The following SEL1L variants were observed in gnomAD, a reference collection of about 807,000 sequenced individuals.
SEL1L encodes protein sel-1 homolog 1.
SEL1L carries 52 observed loss-of-function variants against 109.8 expected under a neutral mutation model. That is an observed-to-expected ratio of 0.47 (90% CI 0.38 to 0.60). The LOEUF is 0.60. Ranked by LOEUF, SEL1L falls within the 20% of genes least tolerant of loss-of-function variation. SEL1L has a pLI of 0.00. For synonymous variants in SEL1L, 373 were observed against 339.6 expected, an observed-to-expected ratio of 1.10 and a Z score of -1.08; for missense variants, 749 against 962.2, an observed-to-expected ratio of 0.78 and a Z score of 2.93.
At position 81,512,982 on chromosome 14, in the gene SEL1L, C is replaced by T. The variant is rs528734215; in HGVS notation, c.341-6741G>A. Reference sequence around the variant, plus strand: ...GAAGGGTTCCCACTGAGAGGTGAAGCCAGCTGGGCTTCTGGGTCAGGTGGG... The same window carrying T: ...GAAGGGTTCCCACTGAGAGGTGAAGTCAGCTGGGCTTCTGGGTCAGGTGGG... On this transcript the variant is annotated intron_variant, in intron 3 of 20. Transcript: ENST00000336735. 6.6e-5 allele frequency among the ~76,000 whole-genome samples: 10 copies of T among 152,312 alleles called. No individual in the cohort carries two copies. The South Asian group carries it at 2.1e-3, about 32-fold the overall frequency.
chr14:81,526,986 A>T, intron 2 of SEL1L, 22 bp from the exon 3 acceptor site: 2 of 1,560,316 alleles, frequency 1.3e-6, no homozygotes, highest in Non-Finnish European at 1.8e-6. Context: ...AAGTATTTTT[A>T]GTTATCAACA....
chr14:81,518,534 C>T (rs1489822517), intron 3 of SEL1L, among the ~76,000 whole-genome samples: 1 of 151,350 alleles, frequency 6.6e-6, no homozygotes, highest in Non-Finnish European at 1.5e-5. Flanking sequence ...GTGGCAGGTG[C>T]CTGTAATCCC....
intron 19 of SEL1L, among the ~76,000 whole-genome samples, chr14:81,482,442 G>GGTTAAGTC (rs934210355): frequency 6.6e-6 from 1 of 152,114 alleles, no homozygotes; most frequent in African/African-American, 2.4e-5. Flanking sequence ...ACTTTTGGAG[G>GGTTAAGTC]CCAAGGCGCT....
intron 3 of SEL1L, among the ~76,000 whole-genome samples, chr14:81,506,678 C>G (rs937492754): frequency 2.6e-5 from 4 of 152,170 alleles, no homozygotes; most frequent in Admixed American, 2.0e-4. Flanking sequence ...AAGCTAACCA[C>G]TCACACACTC....
intron 10 of SEL1L, among the ~76,000 whole-genome samples, chr14:81,495,568 G>T (rs760469678): frequency 1.3e-5 from 2 of 152,244 alleles, no homozygotes; most frequent in Non-Finnish European, 2.9e-5. Flanking sequence ...GCCTGGAGAG[G>T]TCGAGGCTGC....
chr14:81,522,370 G>T (rs1884944970), intron 3 of SEL1L, among the ~76,000 whole-genome samples: 1 of 152,184 alleles, frequency 6.6e-6, no homozygotes, highest in Non-Finnish European at 1.5e-5. Flanking sequence ...CCATTCATGG[G>T]AAGTGCCCTA....
chr14:81,471,905 A>C lies in SEL1L; in HGVS notation c.*5067T>G. On this transcript the variant is annotated 3_prime_UTR_variant, in exon 21 of 21. Transcript: ENST00000336735. ...CCTCCTTTTGAACTGATTAACGCTCACTTTTTCTTATTCGTAAAAAAATAC... is the reference window on the plus strand; with the variant it reads ...CCTCCTTTTGAACTGATTAACGCTCCCTTTTTCTTATTCGTAAAAAAATAC... 1 of 152,252 alleles carries C rather than the reference A, an allele frequency of 6.6e-6. No homozygotes were observed. Among genetic ancestry groups the C allele is most frequent in the South Asian group, 2.1e-4 (1 of 4,826 alleles). 9.4% of individuals were successfully genotyped at this position (152,252 alleles called of 1,614,324 possible).
chr14:81,518,659 T>TAAAAA (rs35790401), intron 3 of SEL1L, among the ~76,000 whole-genome samples: 1 of 84,486 alleles, frequency 1.2e-5, no homozygotes, highest in African/African-American at 4.4e-5. Context: ...AGACTTCGTC[T>TAAAAA]AAAAAAAAAA....
At chr14:81,514,474 T>A (rs1327297860) in intron 3 of SEL1L, among the ~76,000 whole-genome samples, 1 of 152,142 alleles carries the variant, frequency 6.6e-6, no homozygotes, top group Non-Finnish European at 1.5e-5. Flanking sequence ...TTGTTAAGGG[T>A]CACTAAATCC....
intron 1 of SEL1L, among the ~76,000 whole-genome samples, chr14:81,532,392 A>G (rs1014939292): frequency 6.6e-6 from 1 of 152,228 alleles, no homozygotes; most frequent in Admixed American, 6.5e-5. Flanking sequence ...CTACTCATTA[A>G]GCTCAACAGC....
chr14:81,478,801 A>T (rs72691446), intron 20 of SEL1L, among the ~76,000 whole-genome samples: 1 of 152,350 alleles, frequency 6.6e-6, no homozygotes, highest in Non-Finnish European at 1.5e-5. Flanking sequence ...CTACATTTAT[A>T]CCTGTGACAC....
In SEL1L at chr14:81,486,172, T is replaced by G. The variant is rs183393887; in HGVS notation, c.1798+117A>C. 9.5e-4 allele frequency: 967 copies of G among 1,017,200 alleles called. 3 individuals carry two copies. Among genetic ancestry groups the G allele is most frequent in the Non-Finnish European group, 1.2e-3 (845 of 689,800 alleles). The allele number at this position is 1,017,200 out of a possible 1,614,324, so 63.0% of individuals were successfully genotyped here. A position where few individuals can be genotyped will look rare whatever the true frequency, so the allele number is the denominator to read the frequency against. On this transcript the variant is annotated intron_variant, in intron 17 of 20. Coordinates refer to ENST00000336735, the MANE Select transcript of SEL1L (RefSeq NM_005065.6). ...AATAACTTAAGCCTGTGTGTTCAGT[T>G]CCAGTTACAATAATAAAGAATGTTT...
chr14:81,496,051 C>T (rs1376713150), intron 10 of SEL1L, among the ~76,000 whole-genome samples: 2 of 152,002 alleles, frequency 1.3e-5, no homozygotes, highest in African/African-American at 4.8e-5. Context: ...GGGCCGGGCG[C>T]GGTGCCTCAC....
chr14:81,529,046 A>C (rs1885226374), intron 1 of SEL1L, among the ~76,000 whole-genome samples: 1 of 152,192 alleles, frequency 6.6e-6, no homozygotes, highest in Non-Finnish European at 1.5e-5. Context: ...AATTACAGCT[A>C]CTATTCATAT....
rs1903553756 is a variant in SEL1L, at chr14:81,487,412, C to T, written c.1610G>A (p.Arg537Gln). 1 of 1,591,532 alleles carries T rather than the reference C, an allele frequency of 6.3e-7. No homozygotes were observed. The highest frequency in any genetic ancestry group is 8.5e-7 in the Non-Finnish European group (1 of 1,174,656). ...QMHASGTGVM[R>Q]SCHTAVELFK... ...TACCTCCACTGCAGTGTGACATGATCGCATCACGCCGGTGCCACTGGCATG... is the reference window on the plus strand; with the variant it reads ...TACCTCCACTGCAGTGTGACATGATTGCATCACGCCGGTGCCACTGGCATG... The change falls in exon 16 of 21, where the codon CGA (arginine) becomes CAA (glutamine). Residue 537 changes from arginine to glutamine, a missense_variant. Arg to Gln is a conservative substitution (Grantham distance 43). Around this residue, in one of 2 missense-constraint regions of SEL1L, gnomAD observed 383 missense variants for 562.5 expected, o/e 0.68. Transcript: ENST00000336735.
At chr14:81,528,688 G>A (rs1338928931) in intron 1 of SEL1L, among the ~76,000 whole-genome samples, 1 of 152,094 alleles carries the variant, frequency 6.6e-6, no homozygotes, top group East Asian at 1.9e-4. Flanking sequence ...GTGAGTTTCA[G>A]TTTTACCTGC....
chr14:81,507,540 G>A (rs1458357934), intron 3 of SEL1L, among the ~76,000 whole-genome samples: 1 of 151,624 alleles, frequency 6.6e-6, no homozygotes, highest in Non-Finnish European at 1.5e-5. Flanking sequence ...GGTAGGTACT[G>A]CTACATTCAA....
intron 5 of SEL1L, among the ~76,000 whole-genome samples, chr14:81,503,435 G>T (rs1884101465): frequency 6.6e-6 from 1 of 151,810 alleles, no homozygotes; most frequent in African/African-American, 2.4e-5. Context: ...TACCTTCCAA[G>T]TTCAAGTGAT....
intron 5 of SEL1L, among the ~76,000 whole-genome samples, chr14:81,503,886 ATTCT>A (rs1884119283): frequency 6.6e-6 from 1 of 152,196 alleles, no homozygotes; most frequent in African/African-American, 2.4e-5. Context: ...CTTGACAACA[ATTCT>A]TTTTGTTTTA....
Sources: gnomAD v4.1 joint callset for allele counts (sites outside exome capture counted in the v4.1 genomes callset) on GRCh38, gnomAD v4.1.1 for gene constraint, gnomAD v4.1.1 regional missense constraint, MANE v1.5 for transcripts, NCBI Gene and HGNC (gene_info 2026-07-23, HGNC 2026-07-21) for gene names.